Variants in COL11A1 observed in about 807,000 individuals in gnomAD.
The protein encoded by COL11A1 is collagen type XI alpha 1 chain.
Under a neutral mutation model 265.2 loss-of-function variants are expected in COL11A1, and 74 were observed. The ratio of observed to expected loss-of-function variants is 0.28; its 90% CI spans 0.23 to 0.34. The LOEUF (loss-of-function observed/expected upper bound fraction) is 0.34. Ranked by LOEUF, COL11A1 falls within the 10% of genes least tolerant of loss-of-function variation. COL11A1 has a pLI of 1.00. For missense variants in COL11A1, 2,165 were observed against 2,263.6 expected (o/e 0.96, Z 0.88); for synonymous variants, 816 against 727.6 (o/e 1.12, Z -1.96).
chr1:102,899,092 G>A, intron 54 of COL11A1, 98 bp from the exon 55 acceptor site: 2 of 587,860 alleles, frequency 3.4e-6, no homozygotes, highest in Non-Finnish European at 5.4e-6. Context: ...TGTAACAGAT[G>A]AATAAATTGT....
intron 1 of COL11A1, among the ~76,000 whole-genome samples, chr1:103,093,822 A>G (rs190938055): frequency 1.3e-5 from 2 of 152,258 alleles, no homozygotes; most frequent in East Asian, 3.9e-4. Flanking sequence ...CTACTTGTCC[A>G]AAGTACATCT....
intron 29 of COL11A1, among the ~76,000 whole-genome samples, chr1:102,989,198 AAT>A (rs1663872844): frequency 6.6e-6 from 1 of 151,964 alleles, no homozygotes; most frequent in African/African-American, 2.4e-5. Flanking sequence ...TACTTCTAGT[AAT>A]TTGATCTAAC....
intron 40 of COL11A1, 65 bp from the exon 41 acceptor site, chr1:102,961,984 A>T (rs1033937028): frequency 5.6e-6 from 8 of 1,422,526 alleles, no homozygotes; most frequent in Admixed American, 5.5e-5. Context: ...AGGAGGAGAT[A>T]TCTGATTAGT....
In COL11A1 at chr1:102,978,909, G is replaced by A. The variant is rs749698440; in HGVS notation, c.2660C>T (p.Pro887Leu). 5 of 1,614,102 alleles carry A rather than the reference G, an allele frequency of 3.1e-6. No homozygotes were observed. The highest frequency in any genetic ancestry group is 4.2e-6 in the Non-Finnish European group (5 of 1,180,004). Residue 887 changes from proline to leucine, a missense_variant, in exon 34 of 67, where the codon CCT (proline) becomes CTT (leucine). Coordinates refer to ENST00000370096, the MANE Select transcript of COL11A1 (RefSeq NM_001854.4). The stretch of plus-strand genomic sequence containing the variant: ...ACCTCTTGCACCTCTTGAACCTCGA[G>A]GACCCTGCAGATGAGAACAAAAGAT... ...GPRGQRGPTGPRGSRGARGPT... is the reference protein window; with the variant it reads ...GPRGQRGPTGLRGSRGARGPT...
intron 4 of COL11A1, among the ~76,000 whole-genome samples, chr1:103,055,312 C>T (rs899978705): frequency 6.6e-6 from 1 of 152,234 alleles, no homozygotes; most frequent in East Asian, 1.9e-4. Context: ...ATTATGTTAT[C>T]ATCTGTGCCT....
intron 28 of COL11A1, among the ~76,000 whole-genome samples, chr1:102,994,534 CT>C (rs1286745942): frequency 1.3e-5 from 2 of 152,106 alleles, no homozygotes; most frequent in African/African-American, 4.8e-5. Flanking sequence ...CCTGTACAGC[CT>C]GCACAACCAT....
At chr1:102,993,966 A>T (rs76201639) in intron 28 of COL11A1, among the ~76,000 whole-genome samples, 3,679 of 152,302 alleles carry the variant, frequency 0.024, 62 homozygotes, top group Middle Eastern at 0.092. Flanking sequence ...GGTGATCAGG[A>T]TGAACTGAGA....
At chr1:102,945,249 T>TCA (rs34276315) in intron 42 of COL11A1, among the ~76,000 whole-genome samples, 1 of 58,878 alleles carries the variant, frequency 1.7e-5, no homozygotes, top group Non-Finnish European at 3.4e-5. Flanking sequence ...TTCTTTTTAC[T>TCA]CTCTCTCTCT....
intron 4 of COL11A1, among the ~76,000 whole-genome samples, chr1:103,066,143 A>G (rs1002569961): frequency 3.9e-5 from 6 of 152,184 alleles, no homozygotes; most frequent in African/African-American, 1.4e-4. Flanking sequence ...GAAATGTTAA[A>G]GAAAACTTTT....
chr1:102,936,597 A>G (rs1174329000), intron 44 of COL11A1, among the ~76,000 whole-genome samples: 1 of 152,142 alleles, frequency 6.6e-6, no homozygotes, highest in Non-Finnish European at 1.5e-5. Context: ...TATCTTCCCA[A>G]TCTGAAAGTA....
intron 4 of COL11A1, among the ~76,000 whole-genome samples, chr1:103,067,200 T>G (rs1671227296): frequency 6.6e-6 from 1 of 151,946 alleles, no homozygotes; most frequent in Admixed American, 6.6e-5. Flanking sequence ...CACTTTCTTT[T>G]TAAGGGCATT....
At chr1:102,979,710 CAG>C (rs1311971347) in intron 31 of COL11A1, 5 of 469,698 alleles carry the variant, frequency 1.1e-5, no homozygotes, top group African/African-American at 4.0e-5. Flanking sequence ...TGTTATAAAA[CAG>C]TAATTATAGG....
intron 4 of COL11A1, among the ~76,000 whole-genome samples, chr1:103,051,360 T>C (rs529792425): frequency 6.6e-6 from 1 of 152,290 alleles, no homozygotes; most frequent in South Asian, 2.1e-4. Context: ...ACTGCTGTGC[T>C]AGCAATCAGT....
intron 47 of COL11A1, among the ~76,000 whole-genome samples, chr1:102,922,085 G>C (rs1254260530): frequency 3.3e-5 from 5 of 152,116 alleles, no homozygotes; most frequent in African/African-American, 1.2e-4. Flanking sequence ...TCCTGACAGT[G>C]CAGTAAAATT....
At chr1:103,071,869 GTA>G (rs67216828) in intron 4 of COL11A1, among the ~76,000 whole-genome samples, 13,379 of 147,430 alleles carry the variant, frequency 0.091, 627 homozygotes, top group South Asian at 0.11. Context: ...ATATGTGTTT[GTA>G]TATATATATA....
At chr1:102,925,884 A>G (rs904098288) in intron 46 of COL11A1, among the ~76,000 whole-genome samples, 1 of 152,102 alleles carries the variant, frequency 6.6e-6, no homozygotes, top group African/African-American at 2.4e-5. Context: ...ATTTAAAATT[A>G]CATTCCTTAT....
chr1:103,044,689 T>G (rs575947587), intron 4 of COL11A1, among the ~76,000 whole-genome samples: 1 of 152,222 alleles, frequency 6.6e-6, no homozygotes, highest in East Asian at 1.9e-4. Context: ...ACCTATACCC[T>G]TTGAATTAAT....
intron 1 of COL11A1, among the ~76,000 whole-genome samples, chr1:103,107,438 G>A (rs917617258): frequency 1.3e-5 from 2 of 151,826 alleles, no homozygotes; most frequent in Non-Finnish European, 2.9e-5. Flanking sequence ...TCCCTATCTT[G>A]AACCTATTCC....
At chr1:102,883,659 C>T (rs912338374) in intron 63 of COL11A1, among the ~76,000 whole-genome samples, 4 of 152,078 alleles carry the variant, frequency 2.6e-5, no homozygotes, top group Non-Finnish European at 5.9e-5. Flanking sequence ...ATAAGATATA[C>T]TTGACTCCAA....
Sources: allele counts gnomAD v4.1 joint callset (sites outside exome capture counted in the v4.1 genomes callset), GRCh38; gene constraint gnomAD v4.1.1; transcripts MANE v1.5; gene names NCBI Gene and HGNC (gene_info 2026-07-23, HGNC 2026-07-21).